Variants in ADGRL4 observed in about 807,000 individuals in gnomAD.
ADGRL4 encodes the protein adhesion G protein-coupled receptor L4.
A neutral mutation model predicts 74.8 loss-of-function variants in ADGRL4; 90 were observed. The observed-to-expected ratio is 1.20, with a 90% confidence interval of 1.02 to 1.43. ADGRL4 has a LOEUF of 1.43. ADGRL4 is among the 40% of genes most tolerant of loss of function. ADGRL4 has a pLI of 0.00. For synonymous variants in ADGRL4, 311 were observed against 279.2 expected (o/e 1.11, Z -1.14); for missense variants, 881 against 814.3 (o/e 1.08, Z -1.00).
At chr1:78,967,128 G>T (rs1650074239) in intron 2 of ADGRL4, among the ~76,000 whole-genome samples, 1 of 152,064 alleles carries the variant, frequency 6.6e-6, no homozygotes, top group African/African-American at 2.4e-5. Flanking sequence ...CAGTTCACAT[G>T]ACTTTAATCT....
intron 2 of ADGRL4, among the ~76,000 whole-genome samples, chr1:79,001,752 A>G (rs1294775706): frequency 6.6e-6 from 1 of 152,158 alleles, no homozygotes; most frequent in East Asian, 1.9e-4. Flanking sequence ...TAGGGGTACC[A>G]TTTTGTGAAA....
intron 2 of ADGRL4, among the ~76,000 whole-genome samples, chr1:78,976,886 CAAAATATTGAAGAG>C (rs1159238867): frequency 6.6e-6 from 1 of 151,486 alleles, no homozygotes; most frequent in Non-Finnish European, 1.5e-5. Flanking sequence ...TAAACTCTCC[CAAAATATTGAAGAG>C]AAGGAAATCC....
At chr1:78,959,309 TA>T (rs1649895996) in intron 2 of ADGRL4, among the ~76,000 whole-genome samples, 1 of 152,258 alleles carries the variant, frequency 6.6e-6, no homozygotes, top group South Asian at 2.1e-4. Flanking sequence ...AAAATTAAAA[TA>T]GAAAATGAAA....
intron 11 of ADGRL4, 38 bp downstream of exon 11, chr1:78,917,792 A>T (rs1395536193): frequency 6.3e-7 from 1 of 1,598,722 alleles, no homozygotes; most frequent in South Asian, 1.1e-5. Context: ...CACATTCAAA[A>T]TCGTATTTCA....
In ADGRL4 at chr1:78,927,071, C is replaced by A. The variant is rs12754818; in HGVS notation, c.898G>T (p.Val300Leu). The A allele has an allele frequency of 0.64, 1,018,930 of 1,592,448 alleles. 327,624 individuals are homozygous for A. The highest frequency in any genetic ancestry group is 0.71 in the East Asian group (31,442 of 44,548). Residue 300 changes from valine (V) to leucine (L), a missense_variant, in exon 8 of 15, where the codon GTA becomes TTA. Physicochemically the swap from Val to Leu is conservative, Grantham distance 32 (BLOSUM62 1). Coordinates refer to ENST00000370742, the MANE Select transcript of ADGRL4 (RefSeq NM_022159.4). ...AAAGGACCAATACTCTTATAATATA[C>A]AAATGCAACTGCAACATTGCCTATC... ...DSNGNVAVAF[V>L]YYKSIGPLLS...
At chr1:78,933,252 C>T (rs1649284018) in intron 7 of ADGRL4, among the ~76,000 whole-genome samples, 1 of 151,444 alleles carries the variant, frequency 6.6e-6, no homozygotes, top group Non-Finnish European at 1.5e-5. Flanking sequence ...AGCTTCATCC[C>T]TGGGATGCAA....
intron 12 of ADGRL4, among the ~76,000 whole-genome samples, chr1:78,902,973 G>A (rs567244476): frequency 1.7e-4 from 26 of 152,228 alleles, no homozygotes; most frequent in African/African-American, 5.8e-4. Context: ...TTTCATGATA[G>A]TGGTTTCCAA....
chr1:78,956,293 A>G (rs540117604), intron 2 of ADGRL4, among the ~76,000 whole-genome samples: 19 of 152,168 alleles, frequency 1.2e-4, no homozygotes, highest in Non-Finnish European at 2.4e-4. Flanking sequence ...TGTCGGATAC[A>G]TGTCCCATAC....
At chr1:78,928,441 T>G (rs12750112) in intron 7 of ADGRL4, among the ~76,000 whole-genome samples, 25,818 of 151,314 alleles carry the variant, frequency 0.17, 2,619 homozygotes, top group Admixed American at 0.25. Flanking sequence ...TATTAAAAAT[T>G]AGGGGTTCAT....
At chr1:78,924,487 G>T (rs959165396) in intron 8 of ADGRL4, among the ~76,000 whole-genome samples, 1 of 151,974 alleles carries the variant, frequency 6.6e-6, no homozygotes, top group Non-Finnish European at 1.5e-5. Context: ...TGAAAATGAT[G>T]GGGGAAGGGA....
chr1:78,946,212 C>A (rs1213395988), intron 3 of ADGRL4, 62 bp downstream of exon 3: 2 of 1,442,194 alleles, frequency 1.4e-6, no homozygotes, highest in Non-Finnish European at 1.9e-6. Flanking sequence ...ATATGTTTAA[C>A]CTCTGGAGGT....
intron 12 of ADGRL4, among the ~76,000 whole-genome samples, chr1:78,911,989 A>C (rs1302487980): frequency 6.6e-6 from 1 of 151,792 alleles, no homozygotes; most frequent in African/African-American, 2.4e-5. Flanking sequence ...AAATATACAC[A>C]TAATTACTGA....
At chr1:78,922,055 T>TC (rs1649013141) in intron 8 of ADGRL4, among the ~76,000 whole-genome samples, 1 of 152,066 alleles carries the variant, frequency 6.6e-6, no homozygotes, top group Non-Finnish European at 1.5e-5. Context: ...TTATCATATG[T>TC]ATCTTTATTC....
chr1:78,947,003 C>G (rs1266009597), intron 2 of ADGRL4, among the ~76,000 whole-genome samples: 2 of 151,948 alleles, frequency 1.3e-5, no homozygotes, highest in Non-Finnish European at 2.9e-5. Flanking sequence ...TAGTCTTTAC[C>G]TTTATACTCT....
intron 2 of ADGRL4, among the ~76,000 whole-genome samples, chr1:78,979,366 TGTAGTCA>T (rs1650354900): frequency 1.3e-5 from 2 of 151,984 alleles, no homozygotes; most frequent in African/African-American, 4.8e-5. Context: ...ATTCGCACCC[TGTAGTCA>T]GTATTTCAAA....
At chr1:78,969,419 G>A (rs1452483593) in intron 2 of ADGRL4, among the ~76,000 whole-genome samples, 3 of 152,124 alleles carry the variant, frequency 2.0e-5, no homozygotes, top group African/African-American at 7.2e-5. Flanking sequence ...CTGACTGGTG[G>A]TCAATAAAGA....
chr1:78,931,334 C>T (rs1224413417), intron 7 of ADGRL4, among the ~76,000 whole-genome samples: 3 of 151,370 alleles, frequency 2.0e-5, no homozygotes, highest in Admixed American at 2.0e-4. Flanking sequence ...CCAAACTAAG[C>T]TTCACAAGCG....
chr1:78,922,316 A>C (rs573768796), intron 8 of ADGRL4, among the ~76,000 whole-genome samples: 1 of 151,988 alleles, frequency 6.6e-6, no homozygotes, highest in Non-Finnish European at 1.5e-5. Context: ...TGTCCAACAG[A>C]CTTGGGAACA....
chr1:78,912,549 TA>T (rs1648783720), intron 12 of ADGRL4, among the ~76,000 whole-genome samples: 1 of 151,820 alleles, frequency 6.6e-6, no homozygotes, highest in South Asian at 2.1e-4. Context: ...TAATGCCAAT[TA>T]CCCCTCCTCA....
Sources: gnomAD v4.1 joint callset for allele counts (sites outside exome capture counted in the v4.1 genomes callset) on GRCh38, gnomAD v4.1.1 for gene constraint, MANE v1.5 for transcripts, NCBI Gene and HGNC (gene_info 2026-07-23, HGNC 2026-07-21) for gene names.